Variants in WDR43 observed in about 807,000 individuals in gnomAD.
The protein encoded by WDR43 is WD repeat domain 43, also known as WD repeat-containing protein 43.
In WDR43, 13 loss-of-function variants were observed where a neutral mutation model predicts 91.4. The ratio of observed to expected loss-of-function variants is 0.14; its 90% CI spans 0.09 to 0.23. WDR43 has a LOEUF of 0.23. Among genes scored for constraint, WDR43 ranks in the 10% least tolerant of loss-of-function variants. The pLI is 1.00. For missense variants in WDR43, 780 were observed against 809.4 expected (o/e 0.96, Z 0.44); for synonymous variants, 331 against 287.9 (o/e 1.15, Z -1.51).
chr2:28,934,877 C>G (rs1168407486), intron 11 of WDR43, among the ~76,000 whole-genome samples: 3 of 152,110 alleles, frequency 2.0e-5, no homozygotes, highest in Non-Finnish European at 4.4e-5. Flanking sequence ...TCAAAAGGAC[C>G]CTAATTTTCA....
intron 10 of WDR43, 107 bp from the exon 11 acceptor site, chr2:28,929,472 G>C: frequency 2.8e-6 from 3 of 1,062,802 alleles, no homozygotes; most frequent in Non-Finnish European, 3.8e-6. Flanking sequence ...GTGTTTTCTA[G>C]GGTTGAGGTG....
chr2:28,918,784 G>C (rs1195903320), intron 6 of WDR43, among the ~76,000 whole-genome samples: 1 of 152,180 alleles, frequency 6.6e-6, no homozygotes, highest in Non-Finnish European at 1.5e-5. Context: ...TGTTGTCATT[G>C]AAGTGCTTGC....
chr2:28,932,438 C>G (rs1402548153), intron 11 of WDR43, among the ~76,000 whole-genome samples: 1 of 152,190 alleles, frequency 6.6e-6, no homozygotes, highest in African/African-American at 2.4e-5. Context: ...GCTGGGATTA[C>G]AGGCGTGAGC....
At chr2:28,903,141 A>G (rs1010939018) in intron 2 of WDR43, among the ~76,000 whole-genome samples, 2 of 152,170 alleles carry the variant, frequency 1.3e-5, no homozygotes, top group Admixed American at 6.5e-5. Context: ...CAACATAACT[A>G]TCTTATATTT....
chr2:28,898,528 AAC>A (rs1332879983), intron 1 of WDR43, among the ~76,000 whole-genome samples: 3 of 152,216 alleles, frequency 2.0e-5, no homozygotes, highest in African/African-American at 2.4e-5. Context: ...TTATCTGTGA[AAC>A]ACACATGCAG....
Position 28,936,964 on chromosome 2 carries a change from A to T in WDR43, c.1556+11A>T, listed in dbSNP as rs1174432110. ...AGGACATCCTAATAGGTAAGATTAA[A>T]CAGGTGACTTAAAAACAGTGTTGTC... On this transcript the variant is annotated intron_variant, in intron 13 of 17. Transcript: ENST00000407426. 3 of 1,567,210 alleles carry T rather than the reference A, an allele frequency of 1.9e-6. No homozygotes were observed. Among genetic ancestry groups the T allele is most frequent in the Non-Finnish European group, 2.6e-6 (3 of 1,155,230 alleles).
intron 14 of WDR43, among the ~76,000 whole-genome samples, chr2:28,939,414 A>C (rs1671394580): frequency 6.6e-6 from 1 of 152,168 alleles, no homozygotes; most frequent in South Asian, 2.1e-4. Flanking sequence ...GTATAACCAG[A>C]GTAGTTGTGG....
At position 28,894,794 on chromosome 2, in the gene WDR43, C is replaced by G. The variant is rs371610775; in HGVS notation, c.96C>G (p.Ala32=). 36 of 1,609,870 alleles carry G rather than the reference C, an allele frequency of 2.2e-5. No homozygotes were observed. Among genetic ancestry groups the G allele is most frequent in the South Asian group, 8.9e-5 (8 of 90,328 alleles). ...ACAGCCAGGCCTACTTCGCTTTGGC[C>G]TCTACCGACGGTCACTTACGAGTAT... ...SPHSQAYFAL[A]STDGHLRVWE... Residue 32 remains alanine (A), a synonymous_variant, in exon 1 of 18, where the codon GCC becomes GCG. Coordinates refer to ENST00000407426, the MANE Select transcript of WDR43 (RefSeq NM_015131.3).
At chr2:28,896,841 C>T (rs1236459734) in intron 1 of WDR43, among the ~76,000 whole-genome samples, 2 of 152,132 alleles carry the variant, frequency 1.3e-5, no homozygotes, top group Non-Finnish European at 2.9e-5. Context: ...TTTTGAGGAC[C>T]TCATTGACAA....
chr2:28,924,107 A>G (rs573612085), intron 7 of WDR43, among the ~76,000 whole-genome samples: 4 of 152,306 alleles, frequency 2.6e-5, no homozygotes, highest in Admixed American at 2.0e-4. Context: ...AATAAGTGGT[A>G]ATAAGATGCG....
chr2:28,936,976 A>G, intron 13 of WDR43, 23 bp downstream of exon 13: 2 of 1,560,126 alleles, frequency 1.3e-6, no homozygotes, highest in South Asian at 2.4e-5. Flanking sequence ...AGGTGACTTA[A>G]AAACAGTGTT....
At chr2:28,937,442 C>A (rs1671356113) in intron 13 of WDR43, among the ~76,000 whole-genome samples, 1 of 151,712 alleles carries the variant, frequency 6.6e-6, no homozygotes, top group South Asian at 2.1e-4. Flanking sequence ...TCGTGGGGTG[C>A]ATTAGCCTTC....
At chr2:28,916,159 C>T (rs73920400) in intron 5 of WDR43, among the ~76,000 whole-genome samples, 345 of 152,270 alleles carry the variant, frequency 2.3e-3, no homozygotes, top group African/African-American at 7.8e-3. Flanking sequence ...TTCTTGTAAT[C>T]TCTCAGAGAC....
At position 28,936,966 on chromosome 2, in the gene WDR43, AG is replaced by A; in HGVS notation, c.1556+15del. On this transcript the variant is annotated intron_variant, in intron 13 of 17. Coordinates refer to ENST00000407426, the MANE Select transcript of WDR43 (RefSeq NM_015131.3). ...GACATCCTAATAGGTAAGATTAAACAGGTGACTTAAAAACAGTGTTGTCTGA... is the reference window on the plus strand; with the variant it reads ...GACATCCTAATAGGTAAGATTAAACAGTGACTTAAAAACAGTGTTGTCTGA... The A allele has an allele frequency of 6.4e-7, 1 of 1,564,688 alleles. No homozygotes were observed. Among genetic ancestry groups the A allele is most frequent in the South Asian group, 1.2e-5 (1 of 84,456 alleles).
chr2:28,945,348 G>A (rs4413120), intron 16 of WDR43, among the ~76,000 whole-genome samples: 111,524 of 152,154 alleles, frequency 0.73, 41,020 homozygotes, highest in East Asian at 0.85. Context: ...CCAGTTATCC[G>A]TAAAATATCC....
At chr2:28,900,638 G>T (rs1248953859) in intron 1 of WDR43, among the ~76,000 whole-genome samples, 1 of 152,162 alleles carries the variant, frequency 6.6e-6, no homozygotes, top group African/African-American at 2.4e-5. Context: ...GGTAGCTTTA[G>T]AAATTCATGT....
intron 11 of WDR43, among the ~76,000 whole-genome samples, chr2:28,931,572 TTATA>T (rs1446777179): frequency 6.6e-6 from 1 of 152,196 alleles, no homozygotes; most frequent in East Asian, 1.9e-4. Flanking sequence ...ATCTTGTTCT[TTATA>T]TAGGTTAGAT....
intron 9 of WDR43, 89 bp downstream of exon 9, chr2:28,926,643 T>C (rs1374507743): frequency 4.6e-6 from 5 of 1,098,296 alleles, no homozygotes; most frequent in Non-Finnish European, 6.4e-6. Flanking sequence ...TTAAACTGAG[T>C]TTTTTATTCT....
At chr2:28,897,946 G>A (rs1670511894) in intron 1 of WDR43, among the ~76,000 whole-genome samples, 1 of 152,172 alleles carries the variant, frequency 6.6e-6, no homozygotes, top group Non-Finnish European at 1.5e-5. Flanking sequence ...AGATAGGAAA[G>A]TGCAAAAATA....
Sources: gnomAD v4.1 joint callset for allele counts (sites outside exome capture counted in the v4.1 genomes callset) on GRCh38, gnomAD v4.1.1 for gene constraint, MANE v1.5 for transcripts, NCBI Gene and HGNC (gene_info 2026-07-23, HGNC 2026-07-21) for gene names.